The following ANAPC1 variants were observed in gnomAD, a reference collection of about 807,000 sequenced individuals.
ANAPC1 encodes anaphase promoting complex subunit 1.
ANAPC1 carries 36 observed loss-of-function variants against 208.0 expected under a neutral mutation model. That is an observed-to-expected ratio of 0.17 (90% confidence interval 0.13 to 0.23). The LOEUF (loss-of-function observed/expected upper bound fraction) is 0.23, where lower values mean the gene tolerates loss of function less well. ANAPC1 is among the 10% of genes least tolerant of loss of function. The pLI is 1.00. For missense variants in ANAPC1, 942 were observed against 2,011.6 expected (o/e 0.47, Z 10.17); for synonymous variants, 378 against 695.2 (o/e 0.54, Z 7.18).
intron 20 of ANAPC1, among the ~76,000 whole-genome samples, chr2:111,831,724 C>G (rs536709196): frequency 2.0e-5 from 3 of 149,970 alleles, no homozygotes; most frequent in African/African-American, 7.4e-5. Flanking sequence ...ACCCGTAGTC[C>G]CAGCTGCTTG....
chr2:111,875,520 T>C (rs1011340415), intron 3 of ANAPC1, among the ~76,000 whole-genome samples: 1 of 152,166 alleles, frequency 6.6e-6, no homozygotes, highest in Admixed American at 6.6e-5. Flanking sequence ...TCACCCCTTC[T>C]TTGCCAAGGC....
intron 38 of ANAPC1, among the ~76,000 whole-genome samples, chr2:111,789,578 A>C (rs995862409): frequency 1.4e-5 from 2 of 146,484 alleles, no homozygotes; most frequent in African/African-American, 5.1e-5. Context: ...AAATTTAAGC[A>C]AAGAGATACA....
intron 13 of ANAPC1, among the ~76,000 whole-genome samples, chr2:111,853,719 G>C (rs1681538518): frequency 6.6e-6 from 1 of 151,292 alleles, no homozygotes; most frequent in Admixed American, 6.6e-5. Flanking sequence ...TTTCCAGAAG[G>C]TTTCTTTTTT....
At chr2:111,831,209 AC>A (rs1680109744) in intron 21 of ANAPC1, 76 bp downstream of exon 21, 1 of 1,499,696 alleles carries the variant, frequency 6.7e-7, no homozygotes, top group Non-Finnish European at 8.9e-7. Context: ...ACAGAAAAAA[AC>A]TTAATATCAG....
intron 14 of ANAPC1, among the ~76,000 whole-genome samples, chr2:111,850,086 G>A (rs1272976939): frequency 1.3e-5 from 2 of 152,076 alleles, no homozygotes; most frequent in Non-Finnish European, 2.9e-5. Flanking sequence ...ATAAAGCACT[G>A]AGAACAATGC....
chr2:111,857,472 G>C (rs1434141977), intron 11 of ANAPC1, among the ~76,000 whole-genome samples: 1 of 152,242 alleles, frequency 6.6e-6, no homozygotes, highest in Admixed American at 6.5e-5. Flanking sequence ...GAATGCATTA[G>C]AGAAAAGCAA....
intron 6 of ANAPC1, among the ~76,000 whole-genome samples, chr2:111,871,649 G>C (rs1362629989): frequency 1.3e-5 from 2 of 152,108 alleles, no homozygotes; most frequent in Non-Finnish European, 2.9e-5. Context: ...TTACTCAGGA[G>C]GCTGAAGCAG....
chr2:111,856,090 CCAGGCGTGGTGG>C (rs1390860768), intron 13 of ANAPC1, among the ~76,000 whole-genome samples: 1 of 152,096 alleles, frequency 6.6e-6, no homozygotes, highest in Non-Finnish European at 1.5e-5. Context: ...AAAAAATTAG[CCAGGCGTGGTGG>C]CAGGCGCCTA....
chr2:111,769,725 G>T (rs1159322099), intron 47 of ANAPC1, among the ~76,000 whole-genome samples: 3 of 136,086 alleles, frequency 2.2e-5, no homozygotes. Context: ...TTTGCCACCG[G>T]GGCTGGAGTG....
rs536743889 is a variant in ANAPC1 at position 111,881,279 on chromosome 2, A to G, written c.-24-430T>C. Among the ~76,000 whole-genome samples the G allele has an allele frequency of 7.1e-4, 108 of 152,286 alleles. 1 individual carries two copies. In the South Asian group the frequency reaches 7.5e-3, roughly 11 times the overall value. On this transcript the variant is annotated intron_variant, in intron 1 of 47. Transcript: ENST00000341068. ...AAAGTACATCTAAGGGATCATTGTCATATTGGAATAAAACAATAAAAAACC... is the reference window on the plus strand; with the variant it reads ...AAAGTACATCTAAGGGATCATTGTCGTATTGGAATAAAACAATAAAAAACC...
intron 38 of ANAPC1, among the ~76,000 whole-genome samples, chr2:111,789,416 T>C (rs1374732782): frequency 4.1e-5 from 6 of 146,946 alleles, no homozygotes; most frequent in African/African-American, 1.0e-4. Context: ...TCTAAAACTA[T>C]TGAGTATAAA....
At chr2:111,826,324 C>T (rs538115357) in intron 21 of ANAPC1, among the ~76,000 whole-genome samples, 1 of 152,352 alleles carries the variant, frequency 6.6e-6, no homozygotes, top group Admixed American at 6.5e-5. Context: ...ACTTTCATCA[C>T]ACCAAAAAGT....
intron 17 of ANAPC1, among the ~76,000 whole-genome samples, 176 bp from the exon 18 acceptor site, chr2:111,838,688 A>T (rs1466721040): frequency 6.6e-6 from 1 of 152,194 alleles, no homozygotes; most frequent in African/African-American, 2.4e-5. Context: ...GGTTACTGTA[A>T]AGATGAAATG....
chr2:111,796,827 G>A (rs1368203809), intron 34 of ANAPC1, among the ~76,000 whole-genome samples: 2 of 125,408 alleles, frequency 1.6e-5, no homozygotes, highest in Non-Finnish European at 3.3e-5. Context: ...GAGAAAAGTG[G>A]AAGCTGATAG....
At chr2:111,791,400 C>T (rs1677867815) in intron 38 of ANAPC1, among the ~76,000 whole-genome samples, 2 of 149,052 alleles carry the variant, frequency 1.3e-5, no homozygotes, top group East Asian at 2.0e-4. Context: ...TGAATACACA[C>T]GTACAACCTA....
chr2:111,830,126 G>A (rs1172478891), intron 21 of ANAPC1, among the ~76,000 whole-genome samples: 1 of 151,996 alleles, frequency 6.6e-6, no homozygotes, highest in Non-Finnish European at 1.5e-5. Flanking sequence ...AATGAAGGGA[G>A]GAGTAACGCT....
intron 28 of ANAPC1, among the ~76,000 whole-genome samples, chr2:111,813,385 C>T (rs1268989638): frequency 5.9e-5 from 9 of 152,116 alleles, no homozygotes; most frequent in Admixed American, 4.6e-4. Flanking sequence ...AACCACCATC[C>T]TTATGGCTCC....
intron 2 of ANAPC1, among the ~76,000 whole-genome samples, chr2:111,880,139 C>T (rs983611115): frequency 1.1e-4 from 17 of 152,158 alleles, no homozygotes; most frequent in South Asian, 4.2e-4. Flanking sequence ...TTTGGGAGGC[C>T]GAGGCGGGTG....
rs1394500672 is a variant in ANAPC1 at position 111,852,194 on chromosome 2, TGC to T, written c.1516-1286_1516-1285del. ...AAAAAAAACTGAATAAAATTTATAA[TGC>T]AACTAACAGAAGATTCTGAAAAAGT... On this transcript the variant is annotated intron_variant, in intron 13 of 47. Transcript: ENST00000341068. 4.3e-4 allele frequency among the ~76,000 whole-genome samples: 64 copies of T among 150,300 alleles called. No individual in the cohort carries two copies. The Middle Eastern group carries it at 0.014, about 32-fold the overall frequency.
Sources: allele counts gnomAD v4.1 joint callset (sites outside exome capture counted in the v4.1 genomes callset), GRCh38; gene constraint gnomAD v4.1.1; transcripts MANE v1.5; gene names NCBI Gene and HGNC (gene_info 2026-07-23, HGNC 2026-07-21).